LRBA: variants seen among roughly 807,000 people sequenced by gnomAD.
LRBA encodes lipopolysaccharide-responsive and beige-like anchor protein.
A neutral mutation model predicts 330.0 loss-of-function variants in LRBA; 176 were observed. That is an observed-to-expected ratio of 0.53 (90% confidence interval 0.47 to 0.60). LRBA has a LOEUF of 0.60. LRBA is among the 20% of genes least tolerant of loss of function. The pLI, the probability that LRBA is intolerant of heterozygous loss-of-function variation, is 0.00. For missense variants in LRBA, 3,259 were observed against 3,444.8 expected (o/e 0.95, Z 1.35); for synonymous variants, 1,230 against 1,193.0 (o/e 1.03, Z -0.64).
At chr4:150,638,744 C>A (rs1170128259) in intron 37 of LRBA, among the ~76,000 whole-genome samples, 2 of 133,726 alleles carry the variant, frequency 1.5e-5, no homozygotes, top group Non-Finnish European at 3.2e-5. Context: ...AACACTTTTA[C>A]ACTGTTGGTG....
rs371656243 is a variant in LRBA, at chr4:150,767,492, T to A, written c.5581-5645A>T. On this transcript the variant is annotated intron_variant, in intron 34 of 56. Transcript: ENST00000651943. ...TAACATAACTTTTAGTATTAAAAAA[T>A]TTTTTTTCTGTAATCCCAGAACTTT... 2.0e-3 allele frequency among the ~76,000 whole-genome samples: 304 copies of A among 152,074 alleles called. 3 individuals are homozygous for A. The highest frequency in any genetic ancestry group is 0.014 in the South Asian group (66 of 4,812).
rs568553401 is a variant in LRBA, at chr4:150,928,592, A to G, written c.473T>C (p.Val158Ala). Residue 158 changes from valine to alanine, a missense_variant, in exon 4 of 57, where the codon GTG (valine) becomes GCG (alanine). Transcript: ENST00000651943. ...AACTGTCAAATTATAGCTAGCCAGC[A>G]CTCCCAACATGTCAACCAAAAGATC... ...IADLLVDMLG[V>A]LASYNLTVRE... 8 of 1,613,762 alleles carry G rather than the reference A, an allele frequency of 5.0e-6. No individual in the cohort carries two copies. The Admixed American group carries it at 8.3e-5, about 17-fold the overall frequency.
At chr4:150,535,496 CT>C (rs1764557406) in intron 40 of LRBA, among the ~76,000 whole-genome samples, 1 of 152,116 alleles carries the variant, frequency 6.6e-6, no homozygotes, top group Non-Finnish European at 1.5e-5. Flanking sequence ...TCTTTGTTCT[CT>C]TTCTATATTT....
chr4:150,355,816 A>C (rs983025526), intron 47 of LRBA, among the ~76,000 whole-genome samples: 1 of 152,146 alleles, frequency 6.6e-6, no homozygotes, highest in African/African-American at 2.4e-5. Flanking sequence ...ATTTGAACAT[A>C]GATAACAGTA....
At chr4:150,728,849 G>A (rs539274272) in intron 36 of LRBA, among the ~76,000 whole-genome samples, 70 of 152,256 alleles carry the variant, frequency 4.6e-4, no homozygotes, top group Middle Eastern at 3.4e-3. Flanking sequence ...GCCTTAGCTA[G>A]AGTAATCCAA....
At chr4:150,448,050 G>C (rs1013817003) in intron 44 of LRBA, among the ~76,000 whole-genome samples, 1 of 152,208 alleles carries the variant, frequency 6.6e-6, no homozygotes, top group Non-Finnish European at 1.5e-5. Flanking sequence ...TAAAAAGCTA[G>C]CTAAGTTGAC....
intron 40 of LRBA, chr4:150,579,799 T>C (rs1278306649): frequency 4.5e-6 from 2 of 446,034 alleles, no homozygotes; most frequent in Admixed American, 2.4e-5. Flanking sequence ...CCGCCACCCC[T>C]GAGGCTGTTT....
At chr4:150,632,443 G>T (rs1170029885) in intron 37 of LRBA, among the ~76,000 whole-genome samples, 1 of 152,028 alleles carries the variant, frequency 6.6e-6, no homozygotes, top group Non-Finnish European at 1.5e-5. Context: ...GCTCAGAGTA[G>T]GTATTCAATA....
chr4:150,644,977 C>A (rs772418654), intron 37 of LRBA, among the ~76,000 whole-genome samples: 1 of 151,724 alleles, frequency 6.6e-6, no homozygotes, highest in Admixed American at 6.6e-5. Context: ...CATGTTTTAT[C>A]GAACCAGGAG....
chr4:150,549,005 G>A (rs1357066426), intron 40 of LRBA, among the ~76,000 whole-genome samples: 1 of 152,048 alleles, frequency 6.6e-6, no homozygotes, highest in Admixed American at 6.5e-5. Flanking sequence ...AAAAATAAAT[G>A]TGCCTAAATT....
rs192280138 is a variant in LRBA at position 150,416,592 on chromosome 4, C to G, written c.7042-1002G>C. 1.1e-3 allele frequency among the ~76,000 whole-genome samples: 159 copies of G among 151,026 alleles called. 1 individual carries two copies. Among genetic ancestry groups the G allele is most frequent in the Non-Finnish European group, 1.7e-3 (115 of 67,840 alleles). On this transcript the variant is annotated intron_variant, in intron 46 of 56. Coordinates refer to ENST00000651943, the MANE Select transcript of LRBA (RefSeq NM_001364905.1). Reference sequence around the variant, plus strand: ...GCTTGTTCTTCCAAATGGCTGACAACCACCTGACCATTAGACTTAAAAAGC... The same window carrying G: ...GCTTGTTCTTCCAAATGGCTGACAAGCACCTGACCATTAGACTTAAAAAGC...
intron 42 of LRBA, among the ~76,000 whole-genome samples, chr4:150,481,852 T>A (rs1349899139): frequency 6.6e-6 from 1 of 152,214 alleles, no homozygotes; most frequent in Admixed American, 6.6e-5. Context: ...ATCAGAAATG[T>A]TTACAATTTG....
At chr4:150,816,755 A>G (rs2126764777) in intron 31 of LRBA, among the ~76,000 whole-genome samples, 1 of 152,054 alleles carries the variant, frequency 6.6e-6, no homozygotes, top group Admixed American at 6.6e-5. Flanking sequence ...ACCACATTAA[A>G]AGATTACATG....
chr4:150,691,501 C>A (rs1380665622), intron 36 of LRBA, among the ~76,000 whole-genome samples: 2 of 152,152 alleles, frequency 1.3e-5, no homozygotes, highest in Non-Finnish European at 2.9e-5. Context: ...TAAGCTATCA[C>A]TATACACCCA....
chr4:150,984,489 A>C (rs1015492273), intron 2 of LRBA, among the ~76,000 whole-genome samples: 3 of 152,190 alleles, frequency 2.0e-5, no homozygotes, highest in Non-Finnish European at 4.4e-5. Context: ...AGCCTGGGCA[A>C]CAAGAGCGAA....
At chr4:150,597,319 A>G (rs1164662303) in intron 38 of LRBA, among the ~76,000 whole-genome samples, 1 of 151,904 alleles carries the variant, frequency 6.6e-6, no homozygotes, top group Non-Finnish European at 1.5e-5. Flanking sequence ...CAACAATTAA[A>G]ATTTATTCAT....
In LRBA at chr4:150,838,289, G is replaced by A. The variant is rs557632139; in HGVS notation, c.4569+5811C>T. 2.6e-5 allele frequency among the ~76,000 whole-genome samples: 4 copies of A among 152,200 alleles called. No individual in the cohort carries two copies. The East Asian group carries it at 7.7e-4, about 29-fold the overall frequency. ...GTGTCTTGGAGTTGCTCTTCTCGAG[G>A]AGTATGTTTGTGATGTTCTCTGTAT... On this transcript the variant is annotated intron_variant, in intron 28 of 56. Transcript: ENST00000651943.
At chr4:150,501,668 CA>C (rs1760292755) in intron 40 of LRBA, among the ~76,000 whole-genome samples, 1 of 151,112 alleles carries the variant, frequency 6.6e-6, no homozygotes, top group Non-Finnish European at 1.5e-5. Flanking sequence ...CAGCAAAAAA[CA>C]AAAGGGGGAA....
At chr4:150,673,533 T>C (rs2126875815) in intron 37 of LRBA, among the ~76,000 whole-genome samples, 1 of 152,250 alleles carries the variant, frequency 6.6e-6, no homozygotes, top group African/African-American at 2.4e-5. Flanking sequence ...CTTAAAAAAA[T>C]AAATCCTACA....
Sources: gnomAD v4.1 joint callset for allele counts (sites outside exome capture counted in the v4.1 genomes callset) on GRCh38, gnomAD v4.1.1 for gene constraint, MANE v1.5 for transcripts, NCBI Gene and HGNC (gene_info 2026-07-23, HGNC 2026-07-21) for gene names.